B3GNT9: variants seen among roughly 807,000 people sequenced by gnomAD.
B3GNT9 encodes the protein UDP-GlcNAc:betaGal beta-1,3-N-acetylglucosaminyltransferase 9.
For missense variants in B3GNT9, 669 were observed against 599.2 expected (o/e 1.12, Z -1.22); for synonymous variants, 359 against 283.9 (o/e 1.26, Z -2.66).
chr16:67,150,596 G>A lies in B3GNT9; in HGVS notation c.-111C>T, dbSNP rs2030445168. The A allele has an allele frequency of 1.1e-6, 1 of 943,294 alleles. No individual in the cohort carries two copies. Among genetic ancestry groups the A allele is most frequent in the Non-Finnish European group, 1.4e-6 (1 of 722,182 alleles). The allele number at this position is 943,294 out of a possible 1,614,324, so 58.4% of individuals were successfully genotyped here. ...GGCGGGAGGCCACGCCCCGGGGGGG[G>A]CTCCAGCGACCGACGGTTGAGCCCC... On this transcript the variant is annotated 5_prime_UTR_variant, in exon 2 of 2. Transcript: ENST00000449549.
rs1226278660 is a variant in B3GNT9 at position 67,150,621 on chromosome 16, C to T, written c.-136G>A. 3.0e-6 allele frequency: 2 copies of T among 676,184 alleles called. No homozygotes were observed. The highest frequency in any genetic ancestry group is 4.2e-6 in the Non-Finnish European group (2 of 479,302). The allele number at this position is 676,184 out of a possible 1,614,324, so 41.9% of individuals were successfully genotyped here. ...GCTCCAGCGACCGACGGTTGAGCCC[C>T]TTGCGTTGTTCTCCTCCTCCCGGCC... On this transcript the variant is annotated 5_prime_UTR_variant, in exon 2 of 2. Coordinates refer to ENST00000449549, the MANE Select transcript of B3GNT9 (RefSeq NM_033309.3).
In B3GNT9 at chr16:67,149,826, G is replaced by A. The variant is rs543654866; in HGVS notation, c.660C>T (p.Pro220=). The change falls in exon 2 of 2, where the codon CCC becomes CCT. Residue 220 remains proline, a synonymous_variant. Coordinates refer to ENST00000449549, the MANE Select transcript of B3GNT9 (RefSeq NM_033309.3). ...HFLAWASAFC[P]DVRFVFKGDA... is the part of the protein sequence containing the mutation. ...CGCCCTTAAAAACGAAGCGCACGTC[G>A]GGGCAGAAAGCTGAGGCCCAGGCTA... The A allele has an allele frequency of 1.9e-6, 3 of 1,613,784 alleles. No individual in the cohort carries two copies. The highest frequency in any genetic ancestry group is 1.3e-5 in the African/African-American group (1 of 75,048).
Position 67,150,545 on chromosome 16 carries a change from C to T in B3GNT9, c.-60G>A. The stretch of plus-strand genomic sequence containing the variant: ...GGTCGCAGTCGGCAGCAGGGGGCAG[C>T]GAGCCCCGCCCTCCCCAGCTGAGGG... On this transcript the variant is annotated 5_prime_UTR_variant, in exon 2 of 2. Coordinates refer to ENST00000449549, the MANE Select transcript of B3GNT9 (RefSeq NM_033309.3). 2 of 1,233,772 alleles carry T rather than the reference C, an allele frequency of 1.6e-6. No individual in the cohort carries two copies. The highest frequency in any genetic ancestry group is 2.0e-6 in the Non-Finnish European group (2 of 983,496). The allele number at this position is 1,233,772 out of a possible 1,614,324, so 76.4% of individuals were successfully genotyped here. A position where few individuals can be genotyped will look rare whatever the true frequency, so the allele number is the denominator to read the frequency against.
Position 67,148,599 on chromosome 16 carries a change from A to G in B3GNT9, c.*678T>C, listed in dbSNP as rs75897856. 7,382 of 152,312 alleles carry G rather than the reference A, an allele frequency of 0.048. 517 individuals are homozygous for G. Among genetic ancestry groups the G allele is most frequent in the African/African-American group, 0.16 (6,438 of 41,514 alleles). 9.4% of individuals were successfully genotyped at this position (152,312 alleles called of 1,614,324 possible). On this transcript the variant is annotated 3_prime_UTR_variant, in exon 2 of 2. Transcript: ENST00000449549. Reference sequence around the variant, plus strand: ...GTGGTTGAAGCATATGGGGAAATTAATAGTGGTGGCATCTCAGGGGAAGAC... The same window carrying G: ...GTGGTTGAAGCATATGGGGAAATTAGTAGTGGTGGCATCTCAGGGGAAGAC...
rs779493538 is a variant in B3GNT9 at position 67,149,586 on chromosome 16, G to C, written c.900C>G (p.His300Gln). ...GGFVLSGATL[H>Q]RLAGACAQVE... ...CCTGCGCACAGGCGCCAGCCAGGCG[G>C]TGCAGCGTGGCCCCGGAAAGCACAA... Residue 300 changes from histidine (H) to glutamine (Q), a missense_variant, in exon 2 of 2, where the codon CAC (histidine) becomes CAG (glutamine). His to Gln is a conservative substitution (Grantham distance 24). Transcript: ENST00000449549. 2 of 1,601,394 alleles carry C rather than the reference G, an allele frequency of 1.2e-6. No individual in the cohort carries two copies. Among genetic ancestry groups the C allele is most frequent in the Non-Finnish European group, 1.7e-6 (2 of 1,174,414 alleles).
rs2030448230 is a variant in B3GNT9 at position 67,150,665 on chromosome 16, C to T, written c.-180G>A. 3 of 458,086 alleles carry T rather than the reference C, an allele frequency of 6.5e-6. No individual in the cohort carries two copies. Among genetic ancestry groups the T allele is most frequent in the Middle Eastern group, 5.9e-4 (1 of 1,704 alleles). The allele number at this position is 458,086 out of a possible 1,614,324, so 28.4% of individuals were successfully genotyped here. A position where few individuals can be genotyped will look rare whatever the true frequency, so the allele number is the denominator to read the frequency against. ...CCCGGCCGTGTCGCACCGCCGGGACCGGCAGCCTGAAGGGACAAGAAGTTC... is the reference window on the plus strand; with the variant it reads ...CCCGGCCGTGTCGCACCGCCGGGACTGGCAGCCTGAAGGGACAAGAAGTTC... On this transcript the variant is annotated 5_prime_UTR_variant, in exon 2 of 2. Transcript: ENST00000449549.
rs1369149792 is a variant in B3GNT9, at chr16:67,149,085, AG to A, written c.*191del. 1.6e-6 allele frequency: 2 copies of A among 1,236,198 alleles called. No individual in the cohort carries two copies. Among genetic ancestry groups the A allele is most frequent in the Non-Finnish European group, 2.1e-6 (2 of 946,622 alleles). The allele number at this position is 1,236,198 out of a possible 1,614,324, so 76.6% of individuals were successfully genotyped here. A position where few individuals can be genotyped will look rare whatever the true frequency, so the allele number is the denominator to read the frequency against. ...TACCACCCAGCCTTGGCTCGCTCAA[AG>A]GGTCACCATTACACGGGTTTCAACT... On this transcript the variant is annotated 3_prime_UTR_variant, in exon 2 of 2. Transcript: ENST00000449549.
chr16:67,149,697 G>A lies in B3GNT9; in HGVS notation c.789C>T (p.Pro263=), dbSNP rs760251355. 6.8e-6 allele frequency: 11 copies of A among 1,612,378 alleles called. No individual in the cohort carries two copies. The highest frequency in any genetic ancestry group is 7.6e-6 in the Non-Finnish European group (9 of 1,179,374). ...AGTACTTGCTAGCCCGCGTGCGGAT[G>A]GGCCGCGCATGCACAATTACGTCAC... is the stretch of plus-strand genomic sequence containing the variant. ...LAGDVIVHAR[P]IRTRASKYYI... The change falls in exon 2 of 2, where the codon CCC becomes CCT. Residue 263 remains proline (P), a synonymous_variant. Coordinates refer to ENST00000449549, the MANE Select transcript of B3GNT9 (RefSeq NM_033309.3).
Position 67,149,053 on chromosome 16 carries a change from G to A in B3GNT9, c.*224C>T, listed in dbSNP as rs774303308. On this transcript the variant is annotated 3_prime_UTR_variant, in exon 2 of 2. Transcript: ENST00000449549. ...CTCTGGGACCTGTTGGACAAGAGAT[G>A]GTCATCTACCACCCAGCCTTGGCTC... 9 of 859,796 alleles carry A rather than the reference G, an allele frequency of 1.0e-5. No individual in the cohort carries two copies. Among genetic ancestry groups the A allele is most frequent in the Middle Eastern group, 3.7e-4 (1 of 2,682 alleles). The allele number at this position is 859,796 out of a possible 1,614,324, so 53.3% of individuals were successfully genotyped here. A position where few individuals can be genotyped will look rare whatever the true frequency, so the allele number is the denominator to read the frequency against.
chr16:67,149,935 G>C lies in B3GNT9; in HGVS notation c.551C>G (p.Ala184Gly). 1.3e-6 allele frequency: 2 copies of C among 1,588,868 alleles called. No homozygotes were observed. The highest frequency in any genetic ancestry group is 1.7e-6 in the Non-Finnish European group (2 of 1,167,950). The change falls in exon 2 of 2, where the codon GCC (alanine) becomes GGC (glycine). Residue 184 changes from alanine (A) to glycine (G), a missense_variant. Physicochemically the swap from Ala to Gly is moderately conservative, Grantham distance 60. Coordinates refer to ENST00000449549, the MANE Select transcript of B3GNT9 (RefSeq NM_033309.3). ...GATGTCCGCATACGCAAGGCTCTCG[G>C]CCCGCAGCAGGGCGCGCCAGTGGGT... is the stretch of plus-strand genomic sequence containing the variant. ...ARTHWRALLR[A>G]ESLAYADILL... is the part of the protein sequence containing the mutation.
In B3GNT9 at chr16:67,150,643, G is replaced by A; in HGVS notation, c.-158C>T. The A allele has an allele frequency of 1.9e-6, 1 of 535,156 alleles. No individual in the cohort carries two copies. Among genetic ancestry groups the A allele is most frequent in the Non-Finnish European group, 2.8e-6 (1 of 351,880 alleles). 33.2% of individuals were successfully genotyped at this position (535,156 alleles called of 1,614,324 possible). On this transcript the variant is annotated 5_prime_UTR_variant, in exon 2 of 2. Coordinates refer to ENST00000449549, the MANE Select transcript of B3GNT9 (RefSeq NM_033309.3). ...CCCCTTGCGTTGTTCTCCTCCTCCC[G>A]GCCGTGTCGCACCGCCGGGACCGGC...
chr16:67,148,890 C>T lies in B3GNT9; in HGVS notation c.*387G>A, dbSNP rs2030331615. ...GAGCCCCTCCACCTCCCTGTGGGGCCTGGCCTTGAGAGCCTCTGCATACGT... is the reference window on the plus strand; with the variant it reads ...GAGCCCCTCCACCTCCCTGTGGGGCTTGGCCTTGAGAGCCTCTGCATACGT... On this transcript the variant is annotated 3_prime_UTR_variant, in exon 2 of 2. Transcript: ENST00000449549. 6.3e-6 allele frequency: 1 copy of T among 159,336 alleles called. No homozygotes were observed. The highest frequency in any genetic ancestry group is 1.2e-5 in the Non-Finnish European group (1 of 82,886). The allele number at this position is 159,336 out of a possible 1,614,324, so 9.9% of individuals were successfully genotyped here.
chr16:67,150,490 G>T lies in B3GNT9; in HGVS notation c.-5C>A. 1 of 1,298,072 alleles carries T rather than the reference G, an allele frequency of 7.7e-7. No homozygotes were observed. Among genetic ancestry groups the T allele is most frequent in the Non-Finnish European group, 9.8e-7 (1 of 1,024,660 alleles). 80.4% of individuals were successfully genotyped at this position (1,298,072 alleles called of 1,614,324 possible). A position where few individuals can be genotyped will look rare whatever the true frequency, so the allele number is the denominator to read the frequency against. On this transcript the variant is annotated 5_prime_UTR_variant, in exon 2 of 2. Coordinates refer to ENST00000449549, the MANE Select transcript of B3GNT9 (RefSeq NM_033309.3). Reference sequence around the variant, plus strand: ...TAGGCGCAGCCTCCTCCTCATCTCCGCGCGGCCTGCGCCCTCCCTCCCCTG... The same window carrying T: ...TAGGCGCAGCCTCCTCCTCATCTCCTCGCGGCCTGCGCCCTCCCTCCCCTG...
chr16:67,150,169 C>A lies in B3GNT9; in HGVS notation c.317G>T (p.Cys106Phe). 1 of 1,550,766 alleles carries A rather than the reference C, an allele frequency of 6.4e-7. No individual in the cohort carries two copies. Among genetic ancestry groups the A allele is most frequent in the Non-Finnish European group, 8.7e-7 (1 of 1,152,050 alleles). Residue 106 changes from cysteine to phenylalanine, a missense_variant, in exon 2 of 2, where the codon TGC (cysteine) becomes TTC (phenylalanine). Transcript: ENST00000449549. The stretch of plus-strand genomic sequence containing the variant: ...GCCACCGGGTGCGCCGTCGCCGCGG[C>A]ACTTGTGCGGCTGGTTAATGAGCAG... ...FPLLINQPHK[C>F]RGDGAPGGRP...
Position 67,150,330 on chromosome 16 carries a change from T to C in B3GNT9, c.156A>G (p.Gly52=). 7.1e-7 allele frequency: 1 copy of C among 1,399,030 alleles called. No individual in the cohort carries two copies. Among genetic ancestry groups the C allele is most frequent in the Non-Finnish European group, 9.3e-7 (1 of 1,076,574 alleles). The allele number at this position is 1,399,030 out of a possible 1,614,324, so 86.7% of individuals were successfully genotyped here. A position where few individuals can be genotyped will look rare whatever the true frequency, so the allele number is the denominator to read the frequency against. ...RGRAAPRPTP[G]PRAFQLPDAG... ...CGTCGGGTAACTGGAACGCGCGGGGTCCGGGGGTGGGCCTCGGTGCCGCCC... is the reference window on the plus strand; with the variant it reads ...CGTCGGGTAACTGGAACGCGCGGGGCCCGGGGGTGGGCCTCGGTGCCGCCC... Residue 52 remains glycine, a synonymous_variant, in exon 2 of 2, where the codon GGA becomes GGG. Coordinates refer to ENST00000449549, the MANE Select transcript of B3GNT9 (RefSeq NM_033309.3).
chr16:67,149,128 A>G lies in B3GNT9; in HGVS notation c.*149T>C. Reference sequence around the variant, plus strand: ...GTTTCAACTGGTTCCAGCAGGGTGGACCGCCAGGAGCCAAGCTTAACCCCC... The same window carrying G: ...GTTTCAACTGGTTCCAGCAGGGTGGGCCGCCAGGAGCCAAGCTTAACCCCC... On this transcript the variant is annotated 3_prime_UTR_variant, in exon 2 of 2. Coordinates refer to ENST00000449549, the MANE Select transcript of B3GNT9 (RefSeq NM_033309.3). 2.1e-6 allele frequency: 3 copies of G among 1,403,232 alleles called. No individual in the cohort carries two copies. The South Asian group carries it at 4.9e-5, about 23-fold the overall frequency. 86.9% of individuals were successfully genotyped at this position (1,403,232 alleles called of 1,614,324 possible).
chr16:67,150,442 A>C lies in B3GNT9; in HGVS notation c.44T>G (p.Leu15Arg). 2 of 1,347,916 alleles carry C rather than the reference A, an allele frequency of 1.5e-6. No homozygotes were observed. The highest frequency in any genetic ancestry group is 1.9e-6 in the Non-Finnish European group (2 of 1,052,932). 83.5% of individuals were successfully genotyped at this position (1,347,916 alleles called of 1,614,324 possible). A position where few individuals can be genotyped will look rare whatever the true frequency, so the allele number is the denominator to read the frequency against. The change falls in exon 2 of 2, where the codon CTG (leucine) becomes CGG (arginine). Residue 15 changes from leucine (L) to arginine (R), a missense_variant. Coordinates refer to ENST00000449549, the MANE Select transcript of B3GNT9 (RefSeq NM_033309.3). ...GAGGCCCAGGGAGGCGCCAAGGAGC[A>C]GCGTGAGCAATGCGTCCCTGCGTAG... ...LRLRRDALLT[L>R]LLGASLGLLL...
intron 1 of B3GNT9, 35 bp from the exon 2 acceptor site, chr16:67,150,706 T>TC (rs750772903): frequency 5.3e-4 from 204 of 387,014 alleles, no homozygotes; most frequent in Admixed American, 9.5e-4. Flanking sequence ...TGTAGCCAAC[T>TC]CCCCCGCGGC....
chr16:67,149,126 G>A lies in B3GNT9; in HGVS notation c.*151C>T. On this transcript the variant is annotated 3_prime_UTR_variant, in exon 2 of 2. Coordinates refer to ENST00000449549, the MANE Select transcript of B3GNT9 (RefSeq NM_033309.3). ...GGGTTTCAACTGGTTCCAGCAGGGT[G>A]GACCGCCAGGAGCCAAGCTTAACCC... The A allele has an allele frequency of 7.1e-7, 1 of 1,399,866 alleles. No homozygotes were observed. Among genetic ancestry groups the A allele is most frequent in the Non-Finnish European group, 9.3e-7 (1 of 1,072,140 alleles). 86.7% of individuals were successfully genotyped at this position (1,399,866 alleles called of 1,614,324 possible).
Sources: allele counts gnomAD v4.1 joint callset, GRCh38; gene constraint gnomAD v4.1.1; transcripts MANE v1.5; gene names NCBI Gene and HGNC (gene_info 2026-07-23, HGNC 2026-07-21).